The following LAMA5 variants were observed in gnomAD, a reference collection of about 807,000 sequenced individuals.
LAMA5 encodes laminin subunit alpha 5.
Under a neutral mutation model 433.4 loss-of-function variants are expected in LAMA5, and 260 were observed. The observed-to-expected ratio is 0.60, with a 90% CI of 0.54 to 0.66. The LOEUF is 0.66. LAMA5 is among the 30% of genes least tolerant of loss of function. LAMA5 has a pLI of 0.00. For synonymous variants in LAMA5, 2,620 were observed against 2,226.6 expected (o/e 1.18, Z -4.97); for missense variants, 5,378 against 5,258.5 (o/e 1.02, Z -0.70).
chr20:62,350,433 G>C (rs1020279269), intron 6 of LAMA5, among the ~76,000 whole-genome samples: 1 of 152,112 alleles, frequency 6.6e-6, no homozygotes, highest in Admixed American at 6.5e-5. Flanking sequence ...AGCCACATCC[G>C]AAGGGGCCCA....
At chr20:62,352,936 T>A (rs1483792705) in intron 3 of LAMA5, 198 bp downstream of exon 3, 1 of 522,758 alleles carries the variant, frequency 1.9e-6, no homozygotes, top group East Asian at 3.3e-5. Context: ...GCCCCTGGAC[T>A]TGGCTGTGCC....
Position 62,346,087 on chromosome 20 carries a change from A to C in LAMA5, c.1411T>G (p.Cys471Gly). 3 of 1,613,000 alleles carry C rather than the reference A, an allele frequency of 1.9e-6. No homozygotes were observed. Among genetic ancestry groups the C allele is most frequent in the Non-Finnish European group, 2.5e-6 (3 of 1,179,984 alleles). Residue 471 changes from cysteine (C) to glycine (G), a missense_variant, in exon 10 of 80, where the codon TGC becomes GGC. Transcript: ENST00000252999. The part of the protein sequence containing the change: ...CAEGFTGFPS[C>G]YPTPSSSNDT... ...GCCCCTGGCAGGTGCTCACGGTAGC[A>C]GCTTGGGAAGCCCGTGAAGCCCTCG...
Position 62,324,313 on chromosome 20 carries a change from TCCCCCACTGGG to T in LAMA5, c.5643+117_5644-110del. The T allele has an allele frequency of 2.0e-6, 3 of 1,466,898 alleles. No individual in the cohort carries two copies. The highest frequency in any genetic ancestry group is 2.8e-6 in the Non-Finnish European group (3 of 1,077,906). 90.9% of individuals were successfully genotyped at this position (1,466,898 alleles called of 1,614,324 possible). ...AGACTCTGTGCCCAAGGCCAGATGG[TCCCCCACTGGG>T]CAACACCCTTCCCCAGACCTCAGTT... On this transcript the variant is annotated intron_variant, in intron 42 of 79. Coordinates refer to ENST00000252999, the MANE Select transcript of LAMA5 (RefSeq NM_005560.6). This position sits in a 1 kb window ranked among gnomAD's most constrained non-coding sequence, Gnocchi z 4.4.
At chr20:62,319,318 G>A (rs1987397374) in intron 51 of LAMA5, among the ~76,000 whole-genome samples, 1 of 152,064 alleles carries the variant, frequency 6.6e-6, no homozygotes, top group Admixed American at 6.6e-5. Context: ...CTCTGACATG[G>A]CACCCCCTGC....
rs779880791 is a variant in LAMA5 at position 62,309,818 on chromosome 20, C to T, written c.10846G>A (p.Val3616Met). Residue 3616 changes from valine (V) to methionine (M), a missense_variant, in exon 79 of 80, where the codon GTG becomes ATG. By Grantham distance (21) the Val-to-Met change is conservative. Transcript: ENST00000252999. The stretch of plus-strand genomic sequence containing the variant: ...TGCGCGTCCACCTCCAGCCGGAGCA[C>T]ATTCCCGCTTTTCATCACTGGGAGA... ...HRLAVMKSGN[V>M]LRLEVDAQSN... is the part of the protein sequence containing the mutation. The T allele has an allele frequency of 1.2e-6, 2 of 1,611,582 alleles. No homozygotes were observed. Among genetic ancestry groups the T allele is most frequent in the Non-Finnish European group, 1.7e-6 (2 of 1,179,578 alleles).
At chr20:62,343,902 T>C (rs750936953) in intron 11 of LAMA5, among the ~76,000 whole-genome samples, 1 of 151,616 alleles carries the variant, frequency 6.6e-6, no homozygotes, top group Non-Finnish European at 1.5e-5. Context: ...CCCAGCACTT[T>C]AGGATGCCAA....
In LAMA5 at chr20:62,346,688, G is replaced by A. The variant is rs1482799648; in HGVS notation, c.1185C>T (p.Asp395=). The part of the protein sequence containing the change: ...GTYQGGGVCI[D]CQHHTTGVNC... ...GCCCTCTAGCCCAGCCCACCTGGCA[G>A]TCGATACAGACACCCCCACCCTGAT... Residue 395 remains aspartate, a synonymous_variant, in exon 8 of 80, where the codon GAC becomes GAT. Transcript: ENST00000252999. 1.2e-6 allele frequency: 2 copies of A among 1,613,120 alleles called. No individual in the cohort carries two copies. Among genetic ancestry groups the A allele is most frequent in the Non-Finnish European group, 1.7e-6 (2 of 1,179,726 alleles).
chr20:62,354,847 C>T (rs148968815), intron 2 of LAMA5, among the ~76,000 whole-genome samples: 4 of 152,314 alleles, frequency 2.6e-5, no homozygotes, highest in African/African-American at 2.4e-5. Context: ...AGCCCCTCCC[C>T]AGCCCCTCTC....
chr20:62,335,559 C>A (rs1337589261), intron 18 of LAMA5, among the ~76,000 whole-genome samples: 5 of 150,740 alleles, frequency 3.3e-5, no homozygotes, highest in African/African-American at 7.3e-5. Context: ...CTCCAGCCCC[C>A]CCCCAGGAAC....
Position 62,313,135 on chromosome 20 carries a change from G to C in LAMA5, c.8908C>G (p.Leu2970Val). The change falls in exon 65 of 80, where the codon CTG becomes GTG. Residue 2970 changes from leucine (L) to valine (V), a missense_variant. By Grantham distance (32) the Leu-to-Val change is conservative. Transcript: ENST00000252999. Reference protein sequence around the residue: ...ISTTKRFEQELRLVSYSGVLF... With the variant: ...ISTTKRFEQEVRLVSYSGVLF... ...ACCCCGCTGTAGGACACGAGCCGCA[G>C]CTCCTGCTCGAAGCGCTTGGTGGTG... The C allele has an allele frequency of 6.2e-7, 1 of 1,608,264 alleles. No individual in the cohort carries two copies.
Position 62,312,286 on chromosome 20 carries a change from C to T in LAMA5, c.9391G>A (p.Gly3131Ser), listed in dbSNP as rs949306613. The T allele has an allele frequency of 2.2e-5, 36 of 1,611,160 alleles. No homozygotes were observed. Among genetic ancestry groups the T allele is most frequent in the African/African-American group, 5.3e-5 (4 of 74,924 alleles). ...VGRAMTFHGH[G>S]FLRLALSNVA... Reference sequence around the variant, plus strand: ...TTCGAGAGCGCCAGGCGAAGGAAGCCGTGGCCATGGAAAGTCATGGCGCGC... The same window carrying T: ...TTCGAGAGCGCCAGGCGAAGGAAGCTGTGGCCATGGAAAGTCATGGCGCGC... Residue 3131 changes from glycine (G) to serine (S), a missense_variant, in exon 69 of 80, where the codon GGC becomes AGC. Gly to Ser is a moderately conservative substitution (Grantham distance 56, BLOSUM62 0). Transcript: ENST00000252999.
Position 62,328,992 on chromosome 20 carries a change from G to C in LAMA5, c.4299C>G (p.Asn1433Lys), listed in dbSNP as rs576766054. Residue 1433 changes from asparagine to lysine, a missense_variant, in exon 34 of 80, where the codon AAC (asparagine) becomes AAG (lysine). Coordinates refer to ENST00000252999, the MANE Select transcript of LAMA5 (RefSeq NM_005560.6). Reference protein sequence around the residue: ...AAASLSLFYNNGARPCGCHEV... With the variant: ...AAASLSLFYNKGARPCGCHEV... ...CGTGGCAGCCACATGGACGGGCTCC[G>C]TTGTTATAGAAGAGGGAGAGGGAAG... is the stretch of plus-strand genomic sequence containing the variant. 1.7e-5 allele frequency: 28 copies of C among 1,612,536 alleles called. No individual in the cohort carries two copies. The highest frequency in any genetic ancestry group is 2.1e-5 in the Non-Finnish European group (25 of 1,179,852).
rs1324364175 is a variant in LAMA5 at position 62,314,867 on chromosome 20, G to A, written c.8128C>T (p.Leu2710=). ...LENRGVHNAS[L]ALSASIGRVR... Reference sequence around the variant, plus strand: ...CGGCCAATGCTGGCGGACAGGGCCAGGCTGGCGTTGTGCACCCCACGGTTC... The same window carrying A: ...CGGCCAATGCTGGCGGACAGGGCCAAGCTGGCGTTGTGCACCCCACGGTTC... The change falls in exon 60 of 80, where the codon CTG becomes TTG. Residue 2710 remains leucine, a synonymous_variant. Transcript: ENST00000252999. 3 of 1,612,406 alleles carry A rather than the reference G, an allele frequency of 1.9e-6. No individual in the cohort carries two copies. Among genetic ancestry groups the A allele is most frequent in the African/African-American group, 2.7e-5 (2 of 75,034 alleles).
chr20:62,356,495 T>G (rs1985254451), intron 2 of LAMA5: 1 of 152,400 alleles, frequency 6.6e-6, no homozygotes, highest in African/African-American at 2.4e-5. Flanking sequence ...CCTGAGTTAT[T>G]TTTAAAAATC....
rs1400760677 is a variant in LAMA5 at position 62,351,954 on chromosome 20, G to A, written c.813C>T (p.Gly271=). 6.2e-7 allele frequency: 1 copy of A among 1,612,024 alleles called. No individual in the cohort carries two copies. The highest frequency in any genetic ancestry group is 8.5e-7 in the Non-Finnish European group (1 of 1,179,652). Residue 271 remains glycine, a synonymous_variant, in exon 5 of 80, where the codon GGC becomes GGT. Coordinates refer to ENST00000252999, the MANE Select transcript of LAMA5 (RefSeq NM_005560.6). ...CCCGCAGCGCCTTCCCCATGAGATG[G>A]CCCAGCAGCGTGTTGGTACGCAGGA... ...LRFLRTNTLL[G]HLMGKALRDP...
chr20:62,313,478 G>C lies in LAMA5; in HGVS notation c.8659-18C>G. 5.0e-6 allele frequency: 8 copies of C among 1,589,662 alleles called. No homozygotes were observed. Among genetic ancestry groups the C allele is most frequent in the Non-Finnish European group, 6.8e-6 (8 of 1,169,234 alleles). On this transcript the variant is annotated intron_variant, in intron 63 of 79. Transcript: ENST00000252999. ...GGAGGGGGCTGTGGGCACAGGGCTG[G>C]GTCAGGGCACCTGGCCTGAGGCGCC...
intron 11 of LAMA5, among the ~76,000 whole-genome samples, chr20:62,343,518 G>A (rs984030850): frequency 2.6e-5 from 4 of 152,198 alleles, no homozygotes; most frequent in African/African-American, 9.6e-5. Context: ...GCTTACGCCT[G>A]TAATCCCGGA....
At chr20:62,357,125 C>T (rs920650384) in intron 2 of LAMA5, among the ~76,000 whole-genome samples, 2 of 152,130 alleles carry the variant, frequency 1.3e-5, no homozygotes, top group Admixed American at 6.5e-5. Flanking sequence ...GGAGGGGAGG[C>T]GGTGCTGTCC....
At position 62,335,024 on chromosome 20, in the gene LAMA5, G is replaced by A. The variant is rs193920947; in HGVS notation, c.2479C>T (p.Arg827Cys). Residue 827 changes from arginine (R) to cysteine (C), a missense_variant, in exon 20 of 80, where the codon CGC becomes TGC. Coordinates refer to ENST00000252999, the MANE Select transcript of LAMA5 (RefSeq NM_005560.6). ...GGACGAGCGAGTGGGCACTCACTGC[G>A]GCAGCCAAAATAGTCAGCCTGATCC... is the stretch of plus-strand genomic sequence containing the variant. ...GLDQADYFGC[R>C]SCRCDIGGAL... is the part of the protein sequence containing the mutation. The A allele has an allele frequency of 3.4e-5, 55 of 1,612,394 alleles. No homozygotes were observed. The highest frequency in any genetic ancestry group is 1.2e-4 in the African/African-American group (9 of 74,866).
Sources: allele counts gnomAD v4.1 joint callset (sites outside exome capture counted in the v4.1 genomes callset), GRCh38; gene constraint gnomAD v4.1.1; non-coding constraint Gnocchi (gnomAD v3.1); transcripts MANE v1.5; gene names NCBI Gene and HGNC (gene_info 2026-07-23, HGNC 2026-07-21).